The following GRIP1 variants were observed in gnomAD, a reference collection of about 807,000 sequenced individuals.
The protein encoded by GRIP1 is glutamate receptor-interacting protein 1.
GRIP1 carries 45 observed loss-of-function variants against 129.9 expected under a neutral mutation model. The ratio of observed to expected loss-of-function variants is 0.35; its 90% CI spans 0.27 to 0.44. The LOEUF is 0.44. GRIP1 is among the 20% of genes least tolerant of loss of function. The pLI is 1.00. For synonymous variants in GRIP1, 530 were observed against 520.8 expected, an observed-to-expected ratio of 1.02 and a Z score of -0.24; for missense variants, 1,196 against 1,396.8, an observed-to-expected ratio of 0.86 and a Z score of 2.29.
intron 1 of GRIP1, among the ~76,000 whole-genome samples, chr12:66,602,515 C>T (rs371539059): frequency 1.2e-4 from 19 of 152,298 alleles, no homozygotes; most frequent in Non-Finnish European, 2.1e-4. Flanking sequence ...CCAAGTCCTA[C>T]ACAGGCTTTG....
intron 1 of GRIP1, among the ~76,000 whole-genome samples, chr12:67,051,985 T>C (rs1458441965): frequency 6.6e-6 from 1 of 152,102 alleles, no homozygotes; most frequent in Non-Finnish European, 1.5e-5. Context: ...AACTGGAAAA[T>C]TGTGACTTAA....
At position 66,610,693 on chromosome 12, in the gene GRIP1, C is replaced by G. The variant is rs189977539; in HGVS notation, c.56-13766G>C. On this transcript the variant is annotated intron_variant, in intron 1 of 24. Coordinates refer to ENST00000359742, the MANE Select transcript of GRIP1 (RefSeq NM_001366722.1). ...CAGAAATTGTAATTCAGCTTAGAGA[C>G]AGCCTACAAATATGAAACATATGCA... is the stretch of plus-strand genomic sequence containing the variant. Among the ~76,000 whole-genome samples the G allele has an allele frequency of 2.3e-3, 344 of 152,212 alleles. 2 individuals are homozygous for G. Among genetic ancestry groups the G allele is most frequent in the Middle Eastern group, 0.02 (6 of 294 alleles).
chr12:66,631,225 A>T (rs2030743042), intron 1 of GRIP1, among the ~76,000 whole-genome samples: 1 of 152,222 alleles, frequency 6.6e-6, no homozygotes, highest in Non-Finnish European at 1.5e-5. Context: ...GGCATGAGCC[A>T]TCGCGCCTGG....
chr12:66,838,080 A>G (rs2103367), intron 1 of GRIP1, among the ~76,000 whole-genome samples: 146,155 of 151,910 alleles, frequency 0.96, 70,580 homozygotes, highest in Non-Finnish European at 1. Context: ...CAGCTACTCC[A>G]GAGGCTGAGG....
chr12:66,596,311 G>A (rs2079836274), intron 2 of GRIP1, among the ~76,000 whole-genome samples: 1 of 152,042 alleles, frequency 6.6e-6, no homozygotes, highest in Admixed American at 6.6e-5. Flanking sequence ...AAAATGTTTT[G>A]TTGGAAAGAC....
intron 4 of GRIP1, among the ~76,000 whole-genome samples, chr12:66,530,165 A>T (rs1314377154): frequency 6.6e-6 from 1 of 152,228 alleles, no homozygotes; most frequent in Non-Finnish European, 1.5e-5. Context: ...TTCCTTCTAT[A>T]TAGTTCGTTT....
rs1224276073 is a variant in GRIP1, at chr12:67,051,608, T to A, written c.58+17442A>T. On this transcript the variant is annotated intron_variant, in intron 1 of 1. Coordinates refer to the GRIP1 transcript ENST00000643019. ...TCAGCTGAACTGGGCTAGACAATAA[T>A]ACAGTGGGGTCAAAGAGGTAAAGCT... Among the ~76,000 whole-genome samples, 9 of 152,256 alleles carry A rather than the reference T, an allele frequency of 5.9e-5. 2 individuals are homozygous for A. The South Asian group carries it at 1.5e-3, about 25-fold the overall frequency.
At chr12:66,479,653 T>C (rs1221412732) in intron 7 of GRIP1, among the ~76,000 whole-genome samples, 2 of 152,148 alleles carry the variant, frequency 1.3e-5, no homozygotes, top group Non-Finnish European at 2.9e-5. Context: ...CTGATGAACA[T>C]CAATATGAAA....
intron 1 of GRIP1, among the ~76,000 whole-genome samples, chr12:66,756,547 C>G (rs1216264289): frequency 1.3e-5 from 2 of 152,104 alleles, no homozygotes; most frequent in Non-Finnish European, 2.9e-5. Context: ...AACTCTTTTT[C>G]TGATGAACAC....
chr12:66,678,935 A>AAAG lies in GRIP1; in HGVS notation c.-32_-31insCTT, dbSNP rs2034465079. Reference sequence around the variant, plus strand: ...CTCACTGCTTTCTGTGGCAAAGTGTACTCAAGGCTCTCTGCTCTGGTGGCT... The same window carrying AAAG: ...CTCACTGCTTTCTGTGGCAAAGTGTAAAGCTCAAGGCTCTCTGCTCTGGTGGCT... On this transcript the variant is annotated 5_prime_UTR_variant, in exon 1 of 25. Transcript: ENST00000359742. 1.2e-6 allele frequency: 2 copies of AAAG among 1,612,868 alleles called. No individual in the cohort carries two copies. Among genetic ancestry groups the AAAG allele is most frequent in the African/African-American group, 2.7e-5 (2 of 74,852 alleles).
At chr12:66,722,590 G>C (rs767395716) in intron 1 of GRIP1, among the ~76,000 whole-genome samples, 18 of 152,132 alleles carry the variant, frequency 1.2e-4, no homozygotes, top group Non-Finnish European at 2.4e-4. Flanking sequence ...CATGCTGTTG[G>C]AAAAATGGTG....
chr12:66,735,706 C>G (rs2036573285), intron 1 of GRIP1, among the ~76,000 whole-genome samples: 1 of 151,946 alleles, frequency 6.6e-6, no homozygotes, highest in South Asian at 2.1e-4. Flanking sequence ...GGGAAAGAGA[C>G]CATCAAGAAG....
intron 2 of GRIP1, among the ~76,000 whole-genome samples, chr12:66,577,328 G>T (rs2139565086): frequency 6.6e-6 from 1 of 152,302 alleles, no homozygotes; most frequent in South Asian, 2.1e-4. Context: ...GGGTTACTTT[G>T]TAAGACAGTA....
intron 20 of GRIP1, among the ~76,000 whole-genome samples, chr12:66,378,575 CATCTCTAGTAAAAATACAAAA>C (rs1419120315): frequency 6.6e-6 from 1 of 151,968 alleles, no homozygotes; most frequent in East Asian, 1.9e-4. Flanking sequence ...GACAAAACCC[CATCTCTAGTAAAAATACAAAA>C]ATTAGCCAGG....
intron 1 of GRIP1, chr12:66,803,957 G>C: frequency 8.2e-6 from 3 of 366,520 alleles, no homozygotes; most frequent in Non-Finnish European, 1.6e-5. Flanking sequence ...AACACCATCT[G>C]AGAAACCTTT....
chr12:66,814,070 G>A (rs2039157596), intron 1 of GRIP1, among the ~76,000 whole-genome samples: 2 of 151,860 alleles, frequency 1.3e-5, no homozygotes, highest in African/African-American at 2.4e-5. Flanking sequence ...TTAAACTATT[G>A]TCTATATTAT....
At chr12:67,045,260 T>A (rs1467245007) in intron 1 of GRIP1, among the ~76,000 whole-genome samples, 1 of 152,114 alleles carries the variant, frequency 6.6e-6, no homozygotes, top group African/African-American at 2.4e-5. Context: ...TGATTCAGTG[T>A]CAGGTAAAGA....
rs777164145 is a variant in GRIP1 at position 66,456,270 on chromosome 12, T to G, written c.1115A>C (p.Asn372Thr). ...AGGGTGGTACGTGTTATAGTGATGG[T>G]TGGTGTGAAGGCTGCTGTGGTTGCT... Reference protein sequence around the residue: ...WASNHSSLHTNHHYNTYHPDH... With the variant: ...WASNHSSLHTTHHYNTYHPDH... The change falls in exon 10 of 25, where the codon AAC (asparagine) becomes ACC (threonine). Residue 372 changes from asparagine (N) to threonine (T), a missense_variant. Coordinates refer to ENST00000359742, the MANE Select transcript of GRIP1 (RefSeq NM_001366722.1). The G allele has an allele frequency of 2.3e-6, 3 of 1,289,464 alleles. No individual in the cohort carries two copies. In the Admixed American group the frequency reaches 6.9e-5, roughly 30 times the overall value. 79.9% of individuals were successfully genotyped at this position (1,289,464 alleles called of 1,614,324 possible).
At chr12:67,063,948 C>G (rs139193993) in intron 1 of GRIP1, among the ~76,000 whole-genome samples, 1 of 152,024 alleles carries the variant, frequency 6.6e-6, no homozygotes, top group Non-Finnish European at 1.5e-5. Flanking sequence ...CAATCATTTC[C>G]CAGTTTTTCA....
Sources: allele counts gnomAD v4.1 joint callset (sites outside exome capture counted in the v4.1 genomes callset), GRCh38; gene constraint gnomAD v4.1.1; transcripts MANE v1.5; gene names NCBI Gene and HGNC (gene_info 2026-07-23, HGNC 2026-07-21).